Variants in PCLO observed in about 807,000 individuals in gnomAD.
The protein encoded by PCLO is piccolo presynaptic cytomatrix protein.
In PCLO, 82 loss-of-function variants were observed where a neutral mutation model predicts 427.5. The ratio of observed to expected loss-of-function variants is 0.19; its 90% CI spans 0.16 to 0.23. The LOEUF is 0.23. Ranked by LOEUF, PCLO falls within the 10% of genes least tolerant of loss-of-function variation. The pLI, the probability that PCLO is intolerant of heterozygous loss-of-function variation, is 1.00. For missense variants in PCLO, 6,239 were observed against 6,115.9 expected (o/e 1.02, Z -0.67); for synonymous variants, 2,357 against 2,155.4 (o/e 1.09, Z -2.59).
At chr7:83,018,503 C>A (rs964522120) in intron 3 of PCLO, among the ~76,000 whole-genome samples, 1 of 151,824 alleles carries the variant, frequency 6.6e-6, no homozygotes, top group Admixed American at 6.6e-5. Flanking sequence ...TTTTGATATT[C>A]TGTTGAAATA....
chr7:83,054,702 T>C (rs1789335634), intron 3 of PCLO, among the ~76,000 whole-genome samples: 1 of 151,818 alleles, frequency 6.6e-6, no homozygotes, highest in African/African-American at 2.4e-5. Context: ...AAATCAGAGG[T>C]CAATTGGCTG....
intron 3 of PCLO, among the ~76,000 whole-genome samples, chr7:83,035,466 TG>T (rs957679071): frequency 1.3e-5 from 2 of 152,110 alleles, no homozygotes; most frequent in Non-Finnish European, 2.9e-5. Context: ...CCACAAGAAA[TG>T]CAATTGGTTT....
At chr7:83,061,862 C>G (rs1305775072) in intron 3 of PCLO, among the ~76,000 whole-genome samples, 3 of 152,142 alleles carry the variant, frequency 2.0e-5, no homozygotes, top group Non-Finnish European at 2.9e-5. Context: ...ACTTTGAATA[C>G]ATACGAAATG....
chr7:82,822,301 A>C (rs1791812475), intron 20 of PCLO, 194 bp downstream of exon 20: 1 of 1,425,772 alleles, frequency 7.0e-7, no homozygotes, highest in Non-Finnish European at 9.1e-7. Flanking sequence ...ATTTCAGTCT[A>C]TGTAAATAAA....
At chr7:83,133,873 T>C (rs1791637821) in intron 3 of PCLO, among the ~76,000 whole-genome samples, 2 of 151,944 alleles carry the variant, frequency 1.3e-5, no homozygotes, top group African/African-American at 4.8e-5. Flanking sequence ...ACCTTTTATC[T>C]GGAGTTTACA....
chr7:82,896,208 T>C (rs1207294113), intron 9 of PCLO, among the ~76,000 whole-genome samples: 2 of 151,762 alleles, frequency 1.3e-5, no homozygotes, highest in African/African-American at 4.8e-5. Flanking sequence ...ATATTATACA[T>C]GTATACTAAA....
At chr7:83,145,562 T>C (rs913447419) in intron 2 of PCLO, among the ~76,000 whole-genome samples, 2 of 152,138 alleles carry the variant, frequency 1.3e-5, no homozygotes, top group African/African-American at 4.8e-5. Context: ...TGCCAAGTAA[T>C]TCTGTGACTG....
intron 3 of PCLO, among the ~76,000 whole-genome samples, chr7:83,093,492 A>ATATATATATTTT: frequency 2.0e-4 from 12 of 59,202 alleles, no homozygotes; most frequent in Non-Finnish European, 3.0e-4. Flanking sequence ...ATATATATAT[A>ATATATATATTTT]TTTTTTTTTT....
In PCLO at chr7:82,953,469, G is replaced by A. The variant is rs749472799; in HGVS notation, c.7484C>T (p.Ser2495Phe). 2 of 1,613,484 alleles carry A rather than the reference G, an allele frequency of 1.2e-6. No individual in the cohort carries two copies. The highest frequency in any genetic ancestry group is 2.7e-5 in the African/African-American group (2 of 74,912). Reference protein sequence around the residue: ...PVPPKPSSIPSGLVFTHRPEP... With the variant: ...PVPPKPSSIPFGLVFTHRPEP... ...AGGCCTGTGGGTAAATACAAGTCCA[G>A]ATGGAATTGAAGATGGCTTAGGAGG... The change falls in exon 5 of 25, where the codon TCT becomes TTT. Residue 2495 changes from serine to phenylalanine, a missense_variant. Coordinates refer to ENST00000333891, the MANE Select transcript of PCLO (RefSeq NM_033026.6).
chr7:83,124,353 CA>C (rs1000734708), intron 3 of PCLO, among the ~76,000 whole-genome samples: 159 of 57,536 alleles, frequency 2.8e-3, no homozygotes, highest in South Asian at 0.014. Context: ...GACTCCGTCT[CA>C]AAAAAAAAAA....
At chr7:83,051,695 C>A (rs1789258399) in intron 3 of PCLO, among the ~76,000 whole-genome samples, 1 of 151,958 alleles carries the variant, frequency 6.6e-6, no homozygotes, top group Non-Finnish European at 1.5e-5. Flanking sequence ...TGGATATCAC[C>A]AAACTAATTC....
chr7:82,894,148 T>G (rs1793844221), intron 9 of PCLO, among the ~76,000 whole-genome samples: 1 of 152,028 alleles, frequency 6.6e-6, no homozygotes, highest in African/African-American at 2.4e-5. Flanking sequence ...TTAAATAGAT[T>G]ACAAAATAAA....
In PCLO at chr7:82,863,691, G is replaced by A. The variant is rs10238086; in HGVS notation, c.13654+15646C>T. Among the ~76,000 whole-genome samples, 746 of 152,026 alleles carry A rather than the reference G, an allele frequency of 4.9e-3. 4 individuals carry two copies. The highest frequency in any genetic ancestry group is 0.017 in the African/African-American group (717 of 41,536). On this transcript the variant is annotated intron_variant, in intron 10 of 24. Transcript: ENST00000333891. Reference sequence around the variant, plus strand: ...ACTGAATAGAATAAAACTTAACTATGTTCCCTCCAGCTTTCTAATATTCAT... The same window carrying A: ...ACTGAATAGAATAAAACTTAACTATATTCCCTCCAGCTTTCTAATATTCAT...
At chr7:82,838,748 C>A (rs1050275452) in intron 14 of PCLO, among the ~76,000 whole-genome samples, 1 of 151,710 alleles carries the variant, frequency 6.6e-6, no homozygotes, top group Non-Finnish European at 1.5e-5. Flanking sequence ...GTATTATTTG[C>A]ATTTTGCCAA....
At chr7:82,784,638 A>T (rs2129468221) in intron 22 of PCLO, among the ~76,000 whole-genome samples, 1 of 152,268 alleles carries the variant, frequency 6.6e-6, no homozygotes, top group South Asian at 2.1e-4. Context: ...ACCAAAGGCA[A>T]CCAGTCTTGA....
intron 24 of PCLO, among the ~76,000 whole-genome samples, chr7:82,759,732 A>G (rs1562772917): frequency 6.6e-6 from 1 of 151,432 alleles, no homozygotes; most frequent in East Asian, 1.9e-4. Context: ...CTCTTCCTAT[A>G]TTTTTTTCTC....
intron 3 of PCLO, among the ~76,000 whole-genome samples, chr7:83,104,893 A>G (rs1584030530): frequency 6.6e-6 from 1 of 152,168 alleles, no homozygotes; most frequent in East Asian, 1.9e-4. Context: ...TTTGAGAGGT[A>G]CTCAATAGAT....
At chr7:83,122,286 C>CTTTTTTTTTTTTTTTTTTTTTTTGTT (rs71074624) in intron 3 of PCLO, among the ~76,000 whole-genome samples, 1 of 128,302 alleles carries the variant, frequency 7.8e-6, no homozygotes, top group Non-Finnish European at 1.6e-5. Context: ...CTTTTCTTTT[C>CTTTTTTTTTTTTTTTTTTTTTTTGTT]TTTTTTTTTT....
At chr7:82,765,939 C>T (rs139006156) in intron 22 of PCLO, among the ~76,000 whole-genome samples, 3 of 151,768 alleles carry the variant, frequency 2.0e-5, no homozygotes, top group Non-Finnish European at 2.9e-5. Flanking sequence ...CCAGTACCAA[C>T]GAAGCAAGGA....
Sources: gnomAD v4.1 joint callset for allele counts (sites outside exome capture counted in the v4.1 genomes callset) on GRCh38, gnomAD v4.1.1 for gene constraint, MANE v1.5 for transcripts, NCBI Gene and HGNC (gene_info 2026-07-23, HGNC 2026-07-21) for gene names.